The following ELK3 variants were observed in gnomAD, a reference collection of about 807,000 sequenced individuals.
ELK3 encodes ETS transcription factor ELK3, also known as ETS domain-containing protein Elk-3.
ELK3 carries 10 observed loss-of-function variants against 28.9 expected under a neutral mutation model. The observed-to-expected ratio is 0.35, with a 90% CI of 0.21 to 0.59. The LOEUF (loss-of-function observed/expected upper bound fraction) is 0.59. Among genes scored for constraint, ELK3 ranks in the 20% least tolerant of loss-of-function variants. ELK3 has a pLI of 0.82. For synonymous variants in ELK3, 272 were observed against 243.5 expected (o/e 1.12, Z -1.09); for missense variants, 463 against 517.3 (o/e 0.90, Z 1.02).
chr12:96,233,124 G>T (rs1182623512), intron 2 of ELK3, among the ~76,000 whole-genome samples: 2 of 152,106 alleles, frequency 1.3e-5, no homozygotes, highest in Non-Finnish European at 2.9e-5. Flanking sequence ...ATTTCTCTCT[G>T]CTGGCCGAGT....
chr12:96,224,429 T>C (rs1193817809), intron 2 of ELK3, among the ~76,000 whole-genome samples: 1 of 152,084 alleles, frequency 6.6e-6, no homozygotes, highest in Non-Finnish European at 1.5e-5. Context: ...TGTCTCAGGA[T>C]TGTGGTGATG....
At chr12:96,263,781 G>GTGAT (rs1176103034) in intron 4 of ELK3, among the ~76,000 whole-genome samples, 2 of 152,204 alleles carry the variant, frequency 1.3e-5, no homozygotes, top group Non-Finnish European at 2.9e-5. Context: ...AAGGGACCAG[G>GTGAT]TGATAGGAGA....
At position 96,248,445 on chromosome 12, in the gene ELK3, C is replaced by G. The variant is rs150734831; in HGVS notation, c.1002+711C>G. On this transcript the variant is annotated intron_variant, in intron 3 of 4. Coordinates refer to ENST00000228741, the MANE Select transcript of ELK3 (RefSeq NM_005230.4). ...TTGCAGTGCAAAGGCGTAGTAGGTG[C>G]TGGGAAACCATATTTCTCCTTCCCC... 9.1e-4 allele frequency among the ~76,000 whole-genome samples: 139 copies of G among 152,330 alleles called. 1 individual carries two copies. In the East Asian group the frequency reaches 0.022, roughly 24 times the overall value.
intron 2 of ELK3, among the ~76,000 whole-genome samples, chr12:96,225,230 C>G (rs1951690097): frequency 6.6e-6 from 1 of 152,172 alleles, no homozygotes; most frequent in Non-Finnish European, 1.5e-5. Context: ...GGCTTTGAGA[C>G]TCAAAAAGCA....
Position 96,216,858 on chromosome 12 carries a change from G to C in ELK3, c.-2-6707G>C, listed in dbSNP as rs187648939. Among the ~76,000 whole-genome samples the C allele has an allele frequency of 3.8e-3, 580 of 152,332 alleles. 7 individuals are homozygous for C. The highest frequency in any genetic ancestry group is 0.013 in the African/African-American group (536 of 41,582). ...TTCCCCAAAGTCCCACAACCAGACA[G>C]GACGAGTCTTTGCTGTTGAACCCAG... On this transcript the variant is annotated intron_variant, in intron 1 of 4. Transcript: ENST00000228741.
chr12:96,247,741 G>T lies in ELK3; in HGVS notation c.1002+7G>T. 6.6e-7 allele frequency: 1 copy of T among 1,522,352 alleles called. No individual in the cohort carries two copies. Among genetic ancestry groups the T allele is most frequent in the Non-Finnish European group, 8.8e-7 (1 of 1,138,032 alleles). 94.3% of individuals were successfully genotyped at this position (1,522,352 alleles called of 1,614,324 possible). A position where few individuals can be genotyped will look rare whatever the true frequency, so the allele number is the denominator to read the frequency against. On this transcript the variant is annotated splice_region_variant and intron_variant, in intron 3 of 4. Transcript: ENST00000228741. The surrounding 1 kb of genome is among the most constrained non-coding windows in gnomAD (Gnocchi z 5.5). Reference sequence around the variant, plus strand: ...AGCCTTCTTCACCGCACAGGTAAGAGTCATTCCTGTCATCTAAGCCACAGC... The same window carrying T: ...AGCCTTCTTCACCGCACAGGTAAGATTCATTCCTGTCATCTAAGCCACAGC...
At chr12:96,258,581 T>C (rs1951969617) in intron 3 of ELK3, among the ~76,000 whole-genome samples, 1 of 152,226 alleles carries the variant, frequency 6.6e-6, no homozygotes, top group African/African-American at 2.4e-5. Flanking sequence ...ACAAAGCACC[T>C]TATTGACATC....
At chr12:96,238,721 G>C (rs956663702) in intron 2 of ELK3, among the ~76,000 whole-genome samples, 12 of 152,222 alleles carry the variant, frequency 7.9e-5, no homozygotes, top group African/African-American at 2.7e-4. Flanking sequence ...GATTGGCAGA[G>C]GCAGTTCTAT....
intron 2 of ELK3, among the ~76,000 whole-genome samples, chr12:96,240,936 A>T (rs890006618): frequency 2.0e-5 from 3 of 152,246 alleles, no homozygotes; most frequent in African/African-American, 4.8e-5. Context: ...GGACAGACAC[A>T]TGCAGCAAAT....
chr12:96,246,228 G>A (rs1008526549), intron 2 of ELK3, among the ~76,000 whole-genome samples: 1 of 152,152 alleles, frequency 6.6e-6, no homozygotes, highest in Non-Finnish European at 1.5e-5. Flanking sequence ...CTTCCTAGCA[G>A]GTGGTCATGT....
At chr12:96,245,936 T>C (rs567317937) in intron 2 of ELK3, among the ~76,000 whole-genome samples, 2 of 152,296 alleles carry the variant, frequency 1.3e-5, no homozygotes, top group African/African-American at 2.4e-5. Flanking sequence ...AAGTAGACGC[T>C]AGCAACTAAA....
intron 1 of ELK3, among the ~76,000 whole-genome samples, chr12:96,200,361 C>T (rs999012426): frequency 6.6e-6 from 1 of 152,198 alleles, no homozygotes; most frequent in South Asian, 2.1e-4. Context: ...AAACGAGGCT[C>T]TTGGTATCTT....
At chr12:96,246,731 C>T (rs1259791243) in intron 2 of ELK3, among the ~76,000 whole-genome samples, 1 of 152,138 alleles carries the variant, frequency 6.6e-6, no homozygotes, top group Non-Finnish European at 1.5e-5. Flanking sequence ...ACTTAATTTG[C>T]CAAAGATCAC....
At position 96,247,530 on chromosome 12, in the gene ELK3, T is replaced by A. The variant is rs745999893; in HGVS notation, c.798T>A (p.His266Gln). 2 of 1,614,050 alleles carry A rather than the reference T, an allele frequency of 1.2e-6. No homozygotes were observed. Among genetic ancestry groups the A allele is most frequent in the South Asian group, 2.2e-5 (2 of 91,072 alleles). ...GCCTCTTCCTGGAGGCCGCCTGCCA[T>A]GACTCCGATTCCCTGGAGCCCTTGA... ...HRSLFLEAAC[H>Q]DSDSLEPLNL... The change falls in exon 3 of 5, where the codon CAT becomes CAA. Residue 266 changes from histidine to glutamine, a missense_variant. Around this residue, in one of 2 missense-constraint regions of ELK3, gnomAD observed 408 missense variants for 414.8 expected, o/e 0.98. Coordinates refer to ENST00000228741, the MANE Select transcript of ELK3 (RefSeq NM_005230.4). This position sits in a 1 kb window ranked among gnomAD's most constrained non-coding sequence, Gnocchi z 5.5.
chr12:96,240,017 C>T (rs1160163088), intron 2 of ELK3, among the ~76,000 whole-genome samples: 3 of 152,230 alleles, frequency 2.0e-5, no homozygotes, highest in Admixed American at 6.5e-5. Context: ...TCCCCACAAC[C>T]CCCAAATTAA....
chr12:96,220,325 T>C (rs1951652912), intron 1 of ELK3, among the ~76,000 whole-genome samples: 4 of 151,716 alleles, frequency 2.6e-5, no homozygotes, highest in Admixed American at 2.6e-4. Context: ...ATGTGTGGCC[T>C]CTGAGTAAAA....
At chr12:96,224,250 A>G (rs1951683385) in intron 2 of ELK3, among the ~76,000 whole-genome samples, 1 of 152,228 alleles carries the variant, frequency 6.6e-6, no homozygotes, top group African/African-American at 2.4e-5. Context: ...AGGAATAATA[A>G]TAGGAATAGG....
chr12:96,253,287 AAG>A (rs1364765714), intron 3 of ELK3, among the ~76,000 whole-genome samples: 1 of 152,138 alleles, frequency 6.6e-6, no homozygotes, highest in African/African-American at 2.4e-5. Flanking sequence ...AAATAAATAA[AAG>A]AGTCAATCAA....
At chr12:96,231,013 C>T (rs1017725503) in intron 2 of ELK3, among the ~76,000 whole-genome samples, 1 of 152,212 alleles carries the variant, frequency 6.6e-6, no homozygotes, top group African/African-American at 2.4e-5. Context: ...ATTTGAGAAA[C>T]ACACAGGTCA....
Sources: gnomAD v4.1 joint callset for allele counts (sites outside exome capture counted in the v4.1 genomes callset) on GRCh38, gnomAD v4.1.1 for gene constraint, gnomAD v4.1.1 regional missense constraint, Gnocchi (gnomAD v3.1) non-coding constraint, MANE v1.5 for transcripts, NCBI Gene and HGNC (gene_info 2026-07-23, HGNC 2026-07-21) for gene names.